The following LDLRAD4 variants were observed in gnomAD, a reference collection of about 807,000 sequenced individuals.
LDLRAD4 encodes the protein low-density lipoprotein receptor class A domain-containing protein 4.
LDLRAD4 carries 5 observed loss-of-function variants against 17.0 expected under a neutral mutation model. The ratio of observed to expected loss-of-function variants is 0.29; its 90% CI spans 0.15 to 0.62. The LOEUF (loss-of-function observed/expected upper bound fraction) is 0.62, where lower values mean the gene tolerates loss of function less well. Among genes scored for constraint, LDLRAD4 ranks in the 20% least tolerant of loss-of-function variants. The probability of loss-of-function intolerance (pLI) is 0.84; values close to 1 mark genes in which losing one functional copy is unlikely to be tolerated. For missense variants in LDLRAD4, 340 were observed against 424.7 expected (o/e 0.80, Z 1.75); for synonymous variants, 168 against 171.8 (o/e 0.98, Z 0.17).
At chr18:13,262,311 T>TGCGTGGGGGCTGAGTCCC (rs2043897502) in intron 1 of LDLRAD4, among the ~76,000 whole-genome samples, 1 of 134,498 alleles carries the variant, frequency 7.4e-6, no homozygotes, top group African/African-American at 3.1e-5. Flanking sequence ...TGTGGCTCTG[T>TGCGTGGGGGCTGAGTCCC]GTGTGTGGAA....
chr18:13,548,303 CCTG>C (rs2094393516), intron 3 of LDLRAD4, among the ~76,000 whole-genome samples: 1 of 152,196 alleles, frequency 6.6e-6, no homozygotes, highest in African/African-American at 2.4e-5. Context: ...TCACCAGGGA[CCTG>C]CCCCTTTCCA....
intron 1 of LDLRAD4, among the ~76,000 whole-genome samples, chr18:13,353,173 T>C (rs556284803): frequency 3.9e-5 from 6 of 152,328 alleles, no homozygotes; most frequent in South Asian, 4.1e-4. Context: ...CTGTTTTGTC[T>C]TTTGTATGTC....
chr18:13,220,575 A>G (rs1235476238), intron 1 of LDLRAD4, among the ~76,000 whole-genome samples: 1 of 152,224 alleles, frequency 6.6e-6, no homozygotes, highest in South Asian at 2.1e-4. Context: ...CCACTGGAGT[A>G]TATACATACA....
At chr18:13,347,996 A>T (rs1568034119) in intron 1 of LDLRAD4, among the ~76,000 whole-genome samples, 1 of 152,150 alleles carries the variant, frequency 6.6e-6, no homozygotes, top group Non-Finnish European at 1.5e-5. Flanking sequence ...AAGGTTTTTA[A>T]CTTCTTTGCC....
At chr18:13,511,828 G>A (rs2093785001) in intron 3 of LDLRAD4, among the ~76,000 whole-genome samples, 1 of 152,156 alleles carries the variant, frequency 6.6e-6, no homozygotes. Flanking sequence ...CTAAAACAAA[G>A]AGAAGACCTT....
chr18:13,459,935 G>A (rs1392719932), intron 3 of LDLRAD4: 1 of 154,022 alleles, frequency 6.5e-6, no homozygotes, highest in Non-Finnish European at 1.5e-5. Flanking sequence ...CATACCCTAA[G>A]TTTCCGCTCA....
intron 3 of LDLRAD4, among the ~76,000 whole-genome samples, chr18:13,604,392 G>A (rs944051860): frequency 6.6e-6 from 1 of 152,162 alleles, no homozygotes; most frequent in African/African-American, 2.4e-5. Context: ...GCAACAACCT[G>A]GACCATCATG....
intron 1 of LDLRAD4, among the ~76,000 whole-genome samples, chr18:13,244,956 A>G (rs1044166537): frequency 1.3e-5 from 2 of 152,226 alleles, no homozygotes; most frequent in African/African-American, 2.4e-5. Context: ...GCGCAGAATC[A>G]TCTGGTCCGT....
At chr18:13,252,857 C>T (rs1567935558) in intron 1 of LDLRAD4, among the ~76,000 whole-genome samples, 1 of 152,262 alleles carries the variant, frequency 6.6e-6, no homozygotes, top group Non-Finnish European at 1.5e-5. Flanking sequence ...CAGTGTTGCG[C>T]TGTTCCTAGA....
chr18:13,486,560 C>T (rs1359885788), intron 3 of LDLRAD4: 1 of 152,280 alleles, frequency 6.6e-6, no homozygotes, highest in Non-Finnish European at 1.5e-5. Context: ...AGTGCGTACA[C>T]CTCCTCTCTG....
chr18:13,512,153 C>G (rs2093791604), intron 3 of LDLRAD4, among the ~76,000 whole-genome samples: 1 of 152,162 alleles, frequency 6.6e-6, no homozygotes, highest in Admixed American at 6.5e-5. Context: ...TCATGCTGGG[C>G]CTACAGGGTA....
intron 1 of LDLRAD4, among the ~76,000 whole-genome samples, chr18:13,338,977 T>C (rs1002838164): frequency 1.3e-5 from 2 of 152,204 alleles, no homozygotes; most frequent in Admixed American, 6.5e-5. Context: ...TAAAATGTTA[T>C]GTATTTTTGT....
intron 1 of LDLRAD4, among the ~76,000 whole-genome samples, chr18:13,287,378 C>A (rs1263234469): frequency 6.6e-6 from 1 of 152,176 alleles, no homozygotes; most frequent in Non-Finnish European, 1.5e-5. Context: ...GTTGTTAACA[C>A]TTTTTAACGT....
intron 3 of LDLRAD4, among the ~76,000 whole-genome samples, chr18:13,563,169 A>C (rs1340847380): frequency 6.6e-6 from 1 of 152,172 alleles, no homozygotes; most frequent in Non-Finnish European, 1.5e-5. Flanking sequence ...TTATCTTTGG[A>C]GATGACAGGC....
At chr18:13,348,861 C>A (rs1470513524) in intron 1 of LDLRAD4, among the ~76,000 whole-genome samples, 1 of 152,210 alleles carries the variant, frequency 6.6e-6, no homozygotes, top group East Asian at 1.9e-4. Context: ...GGGTGTAGGA[C>A]CCTCCGAGCC....
intron 3 of LDLRAD4, chr18:13,515,289 G>A (rs1418625683): frequency 6.6e-6 from 1 of 152,206 alleles, no homozygotes; most frequent in Non-Finnish European, 1.5e-5. Context: ...TAGGCATGAG[G>A]GAAGGAAGGA....
At chr18:13,447,954 G>A (rs1429479913) in intron 3 of LDLRAD4, among the ~76,000 whole-genome samples, 1 of 152,202 alleles carries the variant, frequency 6.6e-6, no homozygotes, top group African/African-American at 2.4e-5. Context: ...AGAAATCAAC[G>A]TGATCCTGCT....
At chr18:13,644,400 CAAAA>C (rs5823265) in intron 5 of LDLRAD4, among the ~76,000 whole-genome samples, 3 of 58,620 alleles carry the variant, frequency 5.1e-5, no homozygotes, top group East Asian at 4.0e-4. Context: ...AACCCCATCT[CAAAA>C]AAAAAAAAAA....
At chr18:13,321,861 CAAAAAAAAAAAAAAAAAAAAAA>C (rs57033432) in intron 1 of LDLRAD4, among the ~76,000 whole-genome samples, 20 of 62,140 alleles carry the variant, frequency 3.2e-4, no homozygotes, top group Middle Eastern at 0.023. Flanking sequence ...GACTCCGTCT[CAAAAAAAAAAAAAAAAAAAAAA>C]AAAAAAAAAA....
Sources: gnomAD v4.1 joint callset for allele counts (sites outside exome capture counted in the v4.1 genomes callset) on GRCh38, gnomAD v4.1.1 for gene constraint, MANE v1.5 for transcripts, NCBI Gene and HGNC (gene_info 2026-07-23, HGNC 2026-07-21) for gene names.